ACTN1: variants seen among roughly 807,000 people sequenced by gnomAD.
The protein encoded by ACTN1 is alpha-actinin-1.
Under a neutral mutation model 119.6 loss-of-function variants are expected in ACTN1, and 30 were observed. The observed-to-expected ratio is 0.25, with a 90% CI of 0.19 to 0.34. The LOEUF is 0.34. Among genes scored for constraint, ACTN1 ranks in the 10% least tolerant of loss-of-function variants. ACTN1 has a pLI of 1.00. For missense variants in ACTN1, 764 were observed against 1,223.4 expected, an observed-to-expected ratio of 0.62 and a Z score of 5.60; for synonymous variants, 429 against 472.6, an observed-to-expected ratio of 0.91 and a Z score of 1.20.
Position 68,966,949 on chromosome 14 carries a change from G to A in ACTN1, c.105+12003C>T, listed in dbSNP as rs529862741. On this transcript the variant is annotated intron_variant, in intron 1 of 21. Coordinates refer to ENST00000394419, the MANE Select transcript of ACTN1 (RefSeq NM_001130004.2). Reference sequence around the variant, plus strand: ...GACATGTCAGTATGGCCAGCACCTTGGAATCTGATGGGCTGTTAGCCAAAG... The same window carrying A: ...GACATGTCAGTATGGCCAGCACCTTAGAATCTGATGGGCTGTTAGCCAAAG... Among the ~76,000 whole-genome samples the A allele has an allele frequency of 3.9e-5, 6 of 152,358 alleles. No individual in the cohort carries two copies. In the East Asian group the frequency reaches 9.6e-4, roughly 24 times the overall value.
In ACTN1 at chr14:68,909,944, C is replaced by T; in HGVS notation, c.515+11G>A. The T allele has an allele frequency of 6.2e-7, 1 of 1,612,858 alleles. No homozygotes were observed. Among genetic ancestry groups the T allele is most frequent in the Non-Finnish European group, 8.5e-7 (1 of 1,178,986 alleles). Reference sequence around the variant, plus strand: ...TGGTTCTGTGAGAGCCCCTCAGACCCCAGCACTCACCTTATGTGGAAGTTC... The same window carrying T: ...TGGTTCTGTGAGAGCCCCTCAGACCTCAGCACTCACCTTATGTGGAAGTTC... On this transcript the variant is annotated intron_variant, in intron 5 of 21. Coordinates refer to ENST00000394419, the MANE Select transcript of ACTN1 (RefSeq NM_001130004.2). The surrounding 1 kb of genome is among the most constrained non-coding windows in gnomAD (Gnocchi z 4.1).
At chr14:68,893,981 C>A (rs972024831) in intron 8 of ACTN1, among the ~76,000 whole-genome samples, 1 of 152,090 alleles carries the variant, frequency 6.6e-6, no homozygotes, top group Non-Finnish European at 1.5e-5. Context: ...CTGAACTGGG[C>A]CCCTGGAGAA....
In ACTN1 at chr14:68,925,929, A is replaced by C. The variant is rs2034901348; in HGVS notation, c.106-257T>G. Among the ~76,000 whole-genome samples, 1 of 152,176 alleles carries C rather than the reference A, an allele frequency of 6.6e-6. No individual in the cohort carries two copies. Among genetic ancestry groups the C allele is most frequent in the African/African-American group, 2.4e-5 (1 of 41,430 alleles). ...GATACATGAAGCAGCAAATTCCCTTAACATCCGCCTCCCAGCCCTCTCTCA... is the reference window on the plus strand; with the variant it reads ...GATACATGAAGCAGCAAATTCCCTTCACATCCGCCTCCCAGCCCTCTCTCA... On this transcript the variant is annotated intron_variant, in intron 1 of 21. Coordinates refer to ENST00000394419, the MANE Select transcript of ACTN1 (RefSeq NM_001130004.2). This position sits in a 1 kb window ranked among gnomAD's most constrained non-coding sequence, Gnocchi z 4.3.
chr14:68,930,422 G>A (rs1156608335), intron 1 of ACTN1, among the ~76,000 whole-genome samples: 2 of 152,200 alleles, frequency 1.3e-5, no homozygotes, highest in Non-Finnish European at 1.5e-5. Flanking sequence ...AAGGATGTCT[G>A]AATAATCACA....
chr14:68,877,486 A>G, intron 20 of ACTN1: 1 of 511,018 alleles, frequency 2.0e-6, no homozygotes, highest in Non-Finnish European at 3.5e-6. Context: ...TCATGTTGAT[A>G]ATAACTATAA....
chr14:68,971,127 C>T (rs2036871635), intron 1 of ACTN1, among the ~76,000 whole-genome samples: 1 of 152,170 alleles, frequency 6.6e-6, no homozygotes, highest in African/African-American at 2.4e-5. Context: ...TGGTTAAAAG[C>T]CGAGTTCTGA....
chr14:68,899,063 C>A (rs1241937549), intron 8 of ACTN1, among the ~76,000 whole-genome samples: 1 of 141,586 alleles, frequency 7.1e-6, no homozygotes, highest in Non-Finnish European at 1.5e-5. Context: ...ACCACACACA[C>A]CTCACACACC....
At chr14:68,921,794 G>A (rs2034667134) in intron 2 of ACTN1, among the ~76,000 whole-genome samples, 1 of 152,156 alleles carries the variant, frequency 6.6e-6, no homozygotes, top group African/African-American at 2.4e-5. Flanking sequence ...ATCCCCATCT[G>A]AGAACCACAG....
At position 68,925,318 on chromosome 14, in the gene ACTN1, C is replaced by CTTTTTTTTTTT. The variant is rs36108835; in HGVS notation, c.220+229_220+239dup. ...GAAGGAACCTCAGTTCCTTCAAACCCTTTTTTTTTTTTTTTTTTTTTTTAA... is the reference window on the plus strand; with the variant it reads ...GAAGGAACCTCAGTTCCTTCAAACCCTTTTTTTTTTTTTTTTTTTTTTTTTTTTTTTTTTAA... On this transcript the variant is annotated intron_variant, in intron 2 of 21. Transcript: ENST00000394419. This position sits in a 1 kb window ranked among gnomAD's most constrained non-coding sequence, Gnocchi z 4.3. Among the ~76,000 whole-genome samples, 17 of 121,222 alleles carry CTTTTTTTTTTT rather than the reference C, an allele frequency of 1.4e-4. No homozygotes were observed. Among genetic ancestry groups the CTTTTTTTTTTT allele is most frequent in the Admixed American group, 1.3e-3 (15 of 11,386 alleles). 79.5% of individuals were successfully genotyped at this position (121,222 alleles called of 152,430 possible). A position where few individuals can be genotyped will look rare whatever the true frequency, so the allele number is the denominator to read the frequency against.
In ACTN1 at chr14:68,878,374, C is replaced by T. The variant is rs1447896505; in HGVS notation, c.2427+84G>A. 3.3e-6 allele frequency: 5 copies of T among 1,493,934 alleles called. No homozygotes were observed. The highest frequency in any genetic ancestry group is 1.4e-5 in the South Asian group (1 of 72,078). 92.5% of individuals were successfully genotyped at this position (1,493,934 alleles called of 1,614,324 possible). ...GGGCAGCCCCTAGCCTGAGGGCCTC[C>T]AGCCTGCCACTCCTGGGACTTGGCT... On this transcript the variant is annotated intron_variant, in intron 20 of 21. Transcript: ENST00000394419. This position sits in a 1 kb window ranked among gnomAD's most constrained non-coding sequence, Gnocchi z 4.4.
intron 11 of ACTN1, chr14:68,887,999 G>A: frequency 1.3e-6 from 1 of 758,916 alleles, no homozygotes; most frequent in Non-Finnish European, 2.5e-6. Context: ...CACTTTTGCA[G>A]GAGGTTTAAC....
At chr14:68,899,917 T>A (rs1049313492) in intron 8 of ACTN1, among the ~76,000 whole-genome samples, 1 of 152,014 alleles carries the variant, frequency 6.6e-6, no homozygotes, top group African/African-American at 2.4e-5. Context: ...AGAGAAGCTG[T>A]TCACACCCTG....
chr14:68,934,295 C>G (rs2035377235), intron 1 of ACTN1, among the ~76,000 whole-genome samples: 1 of 152,254 alleles, frequency 6.6e-6, no homozygotes, highest in African/African-American at 2.4e-5. Context: ...GCTGGCAAGA[C>G]TTCCCGTAAG....
chr14:68,881,314 C>T (rs117346114), intron 16 of ACTN1, among the ~76,000 whole-genome samples: 4,829 of 152,206 alleles, frequency 0.032, 113 homozygotes, highest in South Asian at 0.071. Flanking sequence ...CATTCAAATG[C>T]CCTTTCCCAA....
At chr14:68,976,188 G>A (rs2037053844) in intron 1 of ACTN1, among the ~76,000 whole-genome samples, 6 of 152,136 alleles carry the variant, frequency 3.9e-5, no homozygotes, top group Admixed American at 3.9e-4. Context: ...AATAGCTATG[G>A]CTGCACCAAA....
chr14:68,904,939 C>G (rs1308599974), intron 6 of ACTN1, among the ~76,000 whole-genome samples: 1 of 152,206 alleles, frequency 6.6e-6, no homozygotes, highest in African/African-American at 2.4e-5. Flanking sequence ...ATTCTCTTTC[C>G]CCCTTCAAGC....
At chr14:68,914,057 T>C (rs530336445) in intron 3 of ACTN1, among the ~76,000 whole-genome samples, 46 of 151,872 alleles carry the variant, frequency 3.0e-4, no homozygotes, top group African/African-American at 1.1e-3. Context: ...ACCCCATCTC[T>C]ACAAAAATAC....
At chr14:68,888,023 G>T in intron 11 of ACTN1, 2 of 740,374 alleles carry the variant, frequency 2.7e-6, no homozygotes, top group South Asian at 1.3e-5. Context: ...CAACCGCGCC[G>T]ATCTCCTCTT....
At chr14:68,912,297 A>T in intron 3 of ACTN1, 55 bp from the exon 4 acceptor site, 1 of 1,419,490 alleles carries the variant, frequency 7.0e-7, no homozygotes, top group Non-Finnish European at 1.0e-6. Context: ...GACAGAATTA[A>T]CACTCCCTCA....
Sources: allele counts gnomAD v4.1 joint callset (sites outside exome capture counted in the v4.1 genomes callset), GRCh38; gene constraint gnomAD v4.1.1; non-coding constraint Gnocchi (gnomAD v3.1); transcripts MANE v1.5; gene names NCBI Gene and HGNC (gene_info 2026-07-23, HGNC 2026-07-21).